Variants in SCHIP1 observed in about 807,000 individuals in gnomAD.
The protein encoded by SCHIP1 is schwannomin interacting protein 1.
A neutral mutation model predicts 29.7 loss-of-function variants in SCHIP1; 8 were observed. That is an observed-to-expected ratio of 0.27 (90% CI 0.16 to 0.49). The LOEUF is 0.49. Among genes scored for constraint, SCHIP1 ranks in the 20% least tolerant of loss-of-function variants. The probability of loss-of-function intolerance (pLI) is 0.99; values close to 1 mark genes in which losing one functional copy is unlikely to be tolerated. For synonymous variants in SCHIP1, 76 were observed against 94.9 expected (o/e 0.80, Z 1.16); for missense variants, 193 against 294.6 (o/e 0.66, Z 2.52).
the SCHIP1 span, among the ~76,000 whole-genome samples, chr3:159,356,366 T>C: frequency 1.5e-4 from 23 of 152,308 alleles, no homozygotes; most frequent in African/African-American, 5.3e-4. Context: ...GTCTTCTTTC[T>C]GTAATGAGAC....
At chr3:159,487,780 T>C in the SCHIP1 span, among the ~76,000 whole-genome samples, 1 of 152,200 alleles carries the variant, frequency 6.6e-6, no homozygotes, top group Non-Finnish European at 1.5e-5. Context: ...CTTCTTAGTA[T>C]GAAAGTTCCC....
the SCHIP1 span, among the ~76,000 whole-genome samples, chr3:159,686,056 C>T: frequency 2.6e-5 from 4 of 152,262 alleles, no homozygotes; most frequent in South Asian, 4.1e-4. Context: ...AATCATATCC[C>T]AAGGCCCACC....
chr3:159,494,131 A>G, the SCHIP1 span, among the ~76,000 whole-genome samples: 2 of 152,208 alleles, frequency 1.3e-5, no homozygotes, highest in African/African-American at 2.4e-5. Context: ...ATAGCACTAA[A>G]TGCCCACAAG....
chr3:159,437,459 G>A, the SCHIP1 span, among the ~76,000 whole-genome samples: 1 of 152,078 alleles, frequency 6.6e-6, no homozygotes, highest in Non-Finnish European at 1.5e-5. Flanking sequence ...TGTTCTGTGA[G>A]TTACAGATAT....
At chr3:159,692,013 CTTTTTTTTTT>C in the SCHIP1 span, among the ~76,000 whole-genome samples, 1 of 90,942 alleles carries the variant, frequency 1.1e-5, no homozygotes, top group Non-Finnish European at 2.1e-5. Context: ...CCCGACCTTT[CTTTTTTTTTT>C]TTTTTTTTTT....
the SCHIP1 span, among the ~76,000 whole-genome samples, chr3:159,434,228 A>G: frequency 6.6e-6 from 1 of 152,172 alleles, no homozygotes; most frequent in Admixed American, 6.6e-5. Context: ...GACAGACACT[A>G]TCTTTGCTTT....
At chr3:159,558,016 T>C in the SCHIP1 span, among the ~76,000 whole-genome samples, 1 of 152,206 alleles carries the variant, frequency 6.6e-6, no homozygotes, top group South Asian at 2.1e-4. Flanking sequence ...AGATATAAAT[T>C]CCCCGCCCCA....
the SCHIP1 span, among the ~76,000 whole-genome samples, chr3:159,493,846 T>C: frequency 6.6e-6 from 1 of 152,156 alleles, no homozygotes; most frequent in Non-Finnish European, 1.5e-5. Context: ...GACTACATAG[T>C]TGGAAGTAAA....
chr3:159,853,491 T>A (rs1422650465), intron 1 of SCHIP1: 1 of 675,004 alleles, frequency 1.5e-6, no homozygotes, highest in Admixed American at 2.2e-5. Context: ...TTATAAACAA[T>A]TGAACCATTT....
the SCHIP1 span, among the ~76,000 whole-genome samples, chr3:159,811,978 TTG>T: frequency 2.0e-3 from 216 of 107,334 alleles, 2 homozygotes; most frequent in Middle Eastern, 6.0e-3. Context: ...GTTTTTGTTT[TTG>T]TTTTTTTTTT....
At chr3:159,512,898 T>G in the SCHIP1 span, among the ~76,000 whole-genome samples, 1 of 152,218 alleles carries the variant, frequency 6.6e-6, no homozygotes, top group South Asian at 2.1e-4. Context: ...TCTCTATGAG[T>G]TCAATTGTTT....
the SCHIP1 span, among the ~76,000 whole-genome samples, chr3:159,443,965 G>GTTTGCTTCTGAC: frequency 6.6e-6 from 1 of 152,106 alleles, no homozygotes; most frequent in African/African-American, 2.4e-5. Flanking sequence ...GTTAGGAAAG[G>GTTTGCTTCTGAC]TTTGCTTCTG....
At chr3:159,672,891 G>A in the SCHIP1 span, among the ~76,000 whole-genome samples, 4 of 152,146 alleles carry the variant, frequency 2.6e-5, no homozygotes, top group Non-Finnish European at 5.9e-5. Context: ...AAACCCTGAT[G>A]GTTACACTAG....
upstream of SCHIP1, chr3:159,839,729 A>G (rs956157706): frequency 8.3e-6 from 3 of 359,360 alleles, no homozygotes; most frequent in Admixed American, 5.2e-5. Flanking sequence ...TTCAACTGCA[A>G]CATTGATTTG....
chr3:159,896,670 G>T (rs1718098833), intron 6 of SCHIP1, 53 bp from the exon 8 acceptor site: 9 of 1,501,006 alleles, frequency 6.0e-6, no homozygotes, highest in Non-Finnish European at 7.1e-6. Context: ...TGATTGAAAA[G>T]CAGTTTGGAT....
At chr3:159,337,749 C>T in the SCHIP1 span, among the ~76,000 whole-genome samples, 2 of 152,114 alleles carry the variant, frequency 1.3e-5, no homozygotes. Flanking sequence ...TGAACATGTT[C>T]TCCAATTTAT....
At chr3:159,316,698 G>A in the SCHIP1 span, among the ~76,000 whole-genome samples, 5 of 152,084 alleles carry the variant, frequency 3.3e-5, no homozygotes, top group South Asian at 4.2e-4. Context: ...ACCAGCCTTC[G>A]TACAACTGGA....
the SCHIP1 span, among the ~76,000 whole-genome samples, chr3:159,367,870 C>T: frequency 6.6e-6 from 1 of 152,172 alleles, no homozygotes; most frequent in East Asian, 1.9e-4. Context: ...CATTAATTGC[C>T]AAATGAATGG....
the SCHIP1 span, among the ~76,000 whole-genome samples, chr3:159,570,078 T>C: frequency 6.6e-6 from 1 of 152,242 alleles, no homozygotes; most frequent in African/African-American, 2.4e-5. Context: ...AAAAATTTTC[T>C]CCCATTCTGT....
Sources: gnomAD v4.1 joint callset for allele counts (sites outside exome capture counted in the v4.1 genomes callset) on GRCh38, gnomAD v4.1.1 for gene constraint, MANE v1.5 for transcripts, NCBI Gene and HGNC (gene_info 2026-07-23, HGNC 2026-07-21) for gene names.